The following CECR2 variants were observed in gnomAD, a reference collection of about 807,000 sequenced individuals.
The protein encoded by CECR2 is CECR2 histone acetyl-lysine reader.
Under a neutral mutation model 154.5 loss-of-function variants are expected in CECR2, and 30 were observed. The observed-to-expected ratio is 0.19, with a 90% CI of 0.15 to 0.26. The LOEUF (loss-of-function observed/expected upper bound fraction) is 0.26. Among genes scored for constraint, CECR2 ranks in the 10% least tolerant of loss-of-function variants. The pLI is 1.00. For missense variants in CECR2, 1,743 were observed against 1,829.3 expected, an observed-to-expected ratio of 0.95 and a Z score of 0.86; for synonymous variants, 725 against 683.7, an observed-to-expected ratio of 1.06 and a Z score of -0.94.
upstream of CECR2, among the ~76,000 whole-genome samples, chr22:17,365,692 T>C (rs189345857): frequency 6.6e-6 from 1 of 151,738 alleles, no homozygotes; most frequent in East Asian, 1.9e-4. Flanking sequence ...CAAGACTGTC[T>C]CGGAAAAACA....
rs143780672 is a variant in CECR2 at position 17,389,353 on chromosome 22, G to C, written c.126+19444G>C. Among the ~76,000 whole-genome samples the C allele has an allele frequency of 4.7e-3, 713 of 152,278 alleles. 5 individuals carry two copies. The highest frequency in any genetic ancestry group is 6.8e-3 in the Middle Eastern group (2 of 292). On this transcript the variant is annotated intron_variant, in intron 1 of 18. Coordinates refer to ENST00000262608, the MANE Select transcript of CECR2 (RefSeq NM_001290047.2). ...TCTTCTGTCTCCCAACTGCCTGCCTGCCTGTCCGGCTAGCTAGCTAGGCAT... is the reference window on the plus strand; with the variant it reads ...TCTTCTGTCTCCCAACTGCCTGCCTCCCTGTCCGGCTAGCTAGCTAGGCAT...
chr22:17,468,341 T>C (rs1474652350), intron 1 of CECR2, among the ~76,000 whole-genome samples: 1 of 152,176 alleles, frequency 6.6e-6, no homozygotes, highest in Non-Finnish European at 1.5e-5. Context: ...GTTGTGATTG[T>C]GTTCAAGTCA....
At chr22:17,427,029 G>A (rs5747129) in intron 1 of CECR2, among the ~76,000 whole-genome samples, 10,100 of 149,770 alleles carry the variant, frequency 0.067, 932 homozygotes, top group East Asian at 0.37. Flanking sequence ...CCCCACGACA[G>A]GCCCTGGTGT....
At chr22:17,542,009 C>T in intron 15 of CECR2, 42 bp downstream of exon 15, 1 of 1,594,136 alleles carries the variant, frequency 6.3e-7, no homozygotes, top group South Asian at 1.1e-5. Context: ...GGGGGTCCCA[C>T]AGGTACGTTT....
At chr22:17,489,595 A>G (rs143325491) in intron 2 of CECR2, among the ~76,000 whole-genome samples, 269 of 152,250 alleles carry the variant, frequency 1.8e-3, no homozygotes, top group African/African-American at 5.9e-3. Flanking sequence ...AGCTGGGACT[A>G]TAGGTATGCT....
chr22:17,443,723 C>T (rs1278816860), intron 1 of CECR2, among the ~76,000 whole-genome samples: 2 of 152,168 alleles, frequency 1.3e-5, no homozygotes, highest in Admixed American at 6.5e-5. Context: ...CTCCCCACTC[C>T]TCGTAATCTG....
chr22:17,542,935 A>C lies in CECR2; in HGVS notation c.2792A>C (p.Lys931Thr). Residue 931 changes from lysine to threonine, a missense_variant, in exon 16 of 19, where the codon AAG (lysine) becomes ACG (threonine). Physicochemically the swap from Lys to Thr is moderately conservative, Grantham distance 78. This residue lies in a region of CECR2 where 1,250 missense variants were observed against 1,192.1 expected (regional missense o/e 1.05). Coordinates refer to ENST00000262608, the MANE Select transcript of CECR2 (RefSeq NM_001290047.2). ...ATGTCAGTCACTGTGTCAGCCCCCA[A>C]GCCTGCCCTGGGCAACCCTGGGAGG... ...HPMSVTVSAP[K>T]PALGNPGRAP... 1 of 1,613,864 alleles carries C rather than the reference A, an allele frequency of 6.2e-7. No individual in the cohort carries two copies. Among genetic ancestry groups the C allele is most frequent in the Non-Finnish European group, 8.5e-7 (1 of 1,179,828 alleles).
chr22:17,475,311 G>A (rs927930703), intron 1 of CECR2, among the ~76,000 whole-genome samples: 1 of 152,142 alleles, frequency 6.6e-6, no homozygotes, highest in Non-Finnish European at 1.5e-5. Flanking sequence ...TTTCTAGAAT[G>A]GAGAACATTG....
At chr22:17,404,405 G>C (rs1329844960) in intron 1 of CECR2, among the ~76,000 whole-genome samples, 1 of 45,542 alleles carries the variant, frequency 2.2e-5, no homozygotes, top group Non-Finnish European at 4.0e-5. Flanking sequence ...ACGGAGTCTC[G>C]CTCTGTCGCC....
At chr22:17,412,822 C>T (rs550689649) in intron 1 of CECR2, among the ~76,000 whole-genome samples, 71 of 152,278 alleles carry the variant, frequency 4.7e-4, no homozygotes, top group South Asian at 3.7e-3. Context: ...TGGCAGGCAT[C>T]GTGCAGAGCC....
At position 17,552,863 on chromosome 22, in the gene CECR2, A is replaced by G; in HGVS notation, c.*23A>G. The G allele has an allele frequency of 6.5e-7, 1 of 1,547,312 alleles. No homozygotes were observed. Among genetic ancestry groups the G allele is most frequent in the Non-Finnish European group, 8.7e-7 (1 of 1,145,418 alleles). ...TAGTCCAAGGAGGAAATGAGCCCCA[A>G]GCAATGGAAAGCTGCACACGAAGAC... On this transcript the variant is annotated 3_prime_UTR_variant, in exon 19 of 19. Coordinates refer to ENST00000262608, the MANE Select transcript of CECR2 (RefSeq NM_001290047.2).
intron 16 of CECR2, among the ~76,000 whole-genome samples, chr22:17,545,355 A>G (rs1443249767): frequency 7.1e-6 from 1 of 139,900 alleles, no homozygotes; most frequent in South Asian, 2.4e-4. Context: ...AGCCTGGGCG[A>G]AACAGCGAGA....
intron 1 of CECR2, among the ~76,000 whole-genome samples, chr22:17,456,608 A>C (rs1481542923): frequency 2.6e-5 from 4 of 152,210 alleles, no homozygotes; most frequent in Non-Finnish European, 4.4e-5. Context: ...ACAAAGTATA[A>C]TTGAGAAATT....
intron 1 of CECR2, among the ~76,000 whole-genome samples, chr22:17,448,860 C>T (rs115735696): frequency 0.015 from 2,286 of 151,952 alleles, 58 homozygotes; most frequent in African/African-American, 0.052. Flanking sequence ...TTTCAGATTC[C>T]TCTTTTTTAT....
At chr22:17,394,144 C>A (rs1262750613) in intron 1 of CECR2, among the ~76,000 whole-genome samples, 1 of 151,270 alleles carries the variant, frequency 6.6e-6, no homozygotes, top group Admixed American at 6.6e-5. Flanking sequence ...GCCTCAGCCT[C>A]CCAAAGTGCT....
At chr22:17,549,856 G>A (rs2056681823) in intron 17 of CECR2, among the ~76,000 whole-genome samples, 1 of 146,370 alleles carries the variant, frequency 6.8e-6, no homozygotes, top group Non-Finnish European at 1.5e-5. Context: ...AGTCTCCTGA[G>A]CGCAAGTCAT....
At chr22:17,371,026 ATCGTTGTTGTTGCC>A (rs1386599654) in intron 1 of CECR2, among the ~76,000 whole-genome samples, 1 of 151,914 alleles carries the variant, frequency 6.6e-6, no homozygotes, top group Non-Finnish European at 1.5e-5. Context: ...GGAAGAGCAA[ATCGTTGTTGTTGCC>A]TCCCCAGCCC....
At chr22:17,429,805 G>C (rs768702761) in intron 1 of CECR2, among the ~76,000 whole-genome samples, 1 of 152,196 alleles carries the variant, frequency 6.6e-6, no homozygotes, top group South Asian at 2.1e-4. Flanking sequence ...ACTAGAGCTT[G>C]ATTGCATGAG....
intron 9 of CECR2, among the ~76,000 whole-genome samples, chr22:17,534,140 A>C (rs1393848761): frequency 1.3e-5 from 2 of 152,164 alleles, no homozygotes; most frequent in African/African-American, 4.8e-5. Context: ...TGAGACCAGA[A>C]ACAGACCTTG....
Sources: gnomAD v4.1 joint callset for allele counts (sites outside exome capture counted in the v4.1 genomes callset) on GRCh38, gnomAD v4.1.1 for gene constraint, gnomAD v4.1.1 regional missense constraint, MANE v1.5 for transcripts, NCBI Gene and HGNC (gene_info 2026-07-23, HGNC 2026-07-21) for gene names.